The following LRRC4C variants were observed in gnomAD, a reference collection of about 807,000 sequenced individuals.
LRRC4C encodes leucine rich repeat containing 4C.
A neutral mutation model predicts 33.6 loss-of-function variants in LRRC4C; 5 were observed. The ratio of observed to expected loss-of-function variants is 0.15; its 90% confidence interval spans 0.08 to 0.31. The LOEUF (loss-of-function observed/expected upper bound fraction) is 0.31. LRRC4C is among the 10% of genes least tolerant of loss of function. LRRC4C has a pLI of 1.00. For missense variants in LRRC4C, 560 were observed against 796.7 expected (o/e 0.70, Z 3.58); for synonymous variants, 329 against 302.0 (o/e 1.09, Z -0.93).
intron 1 of LRRC4C, among the ~76,000 whole-genome samples, chr11:41,282,305 T>C (rs1949701613): frequency 3.3e-5 from 5 of 152,168 alleles, no homozygotes; most frequent in Non-Finnish European, 7.3e-5. Context: ...AATCATATGG[T>C]TATAAAGAGT....
intron 3 of LRRC4C, among the ~76,000 whole-genome samples, chr11:40,414,005 A>T (rs1565364419): frequency 1.3e-5 from 2 of 152,196 alleles, no homozygotes; most frequent in East Asian, 3.9e-4. Context: ...ATTTTGTGTC[A>T]ATCTATTGTA....
chr11:40,860,771 T>G (rs1954048216), intron 2 of LRRC4C, among the ~76,000 whole-genome samples: 1 of 142,744 alleles, frequency 7.0e-6, no homozygotes, highest in Non-Finnish European at 1.5e-5. Flanking sequence ...TTCCAGGGCT[T>G]AGGATCTTTT....
intron 3 of LRRC4C, among the ~76,000 whole-genome samples, chr11:40,408,429 T>C (rs1950038292): frequency 6.6e-6 from 1 of 151,968 alleles, no homozygotes; most frequent in East Asian, 1.9e-4. Flanking sequence ...ACCAACTTTA[T>C]CTTTTTTTTA....
At chr11:41,444,514 C>T (rs1003845063) in intron 1 of LRRC4C, among the ~76,000 whole-genome samples, 2 of 152,262 alleles carry the variant, frequency 1.3e-5, no homozygotes, top group East Asian at 1.9e-4. Context: ...TACCAAGGGA[C>T]GACTATTAGC....
At chr11:40,820,221 G>A (rs1191994500) in intron 2 of LRRC4C, among the ~76,000 whole-genome samples, 1 of 151,998 alleles carries the variant, frequency 6.6e-6, no homozygotes, top group African/African-American at 2.4e-5. Flanking sequence ...ACAAATGCTT[G>A]AAAGAAGTAT....
At chr11:40,307,457 A>T (rs977834302) in intron 4 of LRRC4C, among the ~76,000 whole-genome samples, 11 of 152,168 alleles carry the variant, frequency 7.2e-5, no homozygotes, top group Non-Finnish European at 1.5e-4. Context: ...TGCCTTGCAA[A>T]TGCCTATCCA....
chr11:41,050,525 G>A (rs1159496547), intron 1 of LRRC4C, among the ~76,000 whole-genome samples: 8 of 151,896 alleles, frequency 5.3e-5, no homozygotes, highest in Non-Finnish European at 1.0e-4. Flanking sequence ...TCCCACTTAT[G>A]AGTGAGAACA....
At chr11:41,447,161 C>T (rs190353373) in intron 1 of LRRC4C, among the ~76,000 whole-genome samples, 6 of 152,144 alleles carry the variant, frequency 3.9e-5, no homozygotes, top group Non-Finnish European at 8.8e-5. Flanking sequence ...CATCTTCTCA[C>T]GTCCCAGCTC....
intron 2 of LRRC4C, among the ~76,000 whole-genome samples, chr11:40,653,643 A>G (rs2136165545): frequency 6.6e-6 from 1 of 152,354 alleles, no homozygotes; most frequent in East Asian, 1.9e-4. Context: ...AGCAGAACAT[A>G]AAAGTTTGGA....
chr11:40,501,208 C>T (rs1428190082), intron 3 of LRRC4C, among the ~76,000 whole-genome samples: 3 of 152,250 alleles, frequency 2.0e-5, no homozygotes, highest in East Asian at 1.9e-4. Context: ...GGATAAAGCC[C>T]CCCACCTGGC....
At chr11:40,951,744 G>A (rs141721986) in intron 1 of LRRC4C, among the ~76,000 whole-genome samples, 1 of 151,874 alleles carries the variant, frequency 6.6e-6, no homozygotes, top group Non-Finnish European at 1.5e-5. Context: ...AATTTTGAAA[G>A]GTATAATTAA....
At chr11:40,138,644 T>G (rs1857151977) in intron 6 of LRRC4C, among the ~76,000 whole-genome samples, 1 of 152,218 alleles carries the variant, frequency 6.6e-6, no homozygotes, top group Non-Finnish European at 1.5e-5. Flanking sequence ...ACATGCTATC[T>G]GGCAGTGAAT....
intron 1 of LRRC4C, among the ~76,000 whole-genome samples, chr11:41,028,766 C>T (rs756399877): frequency 6.6e-6 from 1 of 151,454 alleles, no homozygotes; most frequent in Admixed American, 6.6e-5. Flanking sequence ...TTCCCTTATG[C>T]TTGGAATGTT....
At chr11:40,341,266 T>C (rs1357673769) in intron 3 of LRRC4C, among the ~76,000 whole-genome samples, 3 of 152,252 alleles carry the variant, frequency 2.0e-5, no homozygotes, top group Non-Finnish European at 4.4e-5. Flanking sequence ...CATTTTTTTA[T>C]GGCTGCATAG....
chr11:41,068,964 CA>C (rs571081099), intron 1 of LRRC4C, among the ~76,000 whole-genome samples: 1 of 152,028 alleles, frequency 6.6e-6, no homozygotes, highest in African/African-American at 2.4e-5. Context: ...AAAGATACAT[CA>C]AAAAAAGAAA....
chr11:40,795,218 A>G (rs1204938954), intron 2 of LRRC4C, among the ~76,000 whole-genome samples: 1 of 152,176 alleles, frequency 6.6e-6, no homozygotes, highest in African/African-American at 2.4e-5. Flanking sequence ...CTCCACATCC[A>G]TATATGCTAC....
intron 1 of LRRC4C, among the ~76,000 whole-genome samples, chr11:41,102,686 C>T (rs981321158): frequency 1.3e-4 from 20 of 151,994 alleles, no homozygotes; most frequent in Non-Finnish European, 2.6e-4. Flanking sequence ...CTCTTCCTCT[C>T]ACATTTTTAG....
In LRRC4C at chr11:40,115,775, G is replaced by T; in HGVS notation, c.518C>A (p.Ser173Tyr). The T allele has an allele frequency of 6.2e-7, 1 of 1,614,228 alleles. No homozygotes were observed. The highest frequency in any genetic ancestry group is 1.7e-5 in the Admixed American group (1 of 60,028). ...TTCCCCTAAGTCTAGTCGGCGCAAA[G>T]AAGGAATTCTGTTAAAAGCATAAGA... ...IPSYAFNRIP[S>Y]LRRLDLGELK... Residue 173 changes from serine (S) to tyrosine (Y), a missense_variant, in exon 7 of 7, where the codon TCT becomes TAT. Ser to Tyr is a moderately radical substitution (Grantham distance 144). Around this residue, in one of 3 missense-constraint regions of LRRC4C, gnomAD observed 455 missense variants for 643.8 expected, o/e 0.71. Coordinates refer to ENST00000528697, the MANE Select transcript of LRRC4C (RefSeq NM_001258419.2). The surrounding 1 kb of genome is among the most constrained non-coding windows in gnomAD (Gnocchi z 6.7).
At chr11:41,118,776 T>C (rs748604749) in intron 1 of LRRC4C, among the ~76,000 whole-genome samples, 19 of 152,150 alleles carry the variant, frequency 1.2e-4, no homozygotes, top group Non-Finnish European at 2.8e-4. Flanking sequence ...ATTGACCTAG[T>C]TTGAGTGTTG....
Sources: gnomAD v4.1 joint callset for allele counts (sites outside exome capture counted in the v4.1 genomes callset) on GRCh38, gnomAD v4.1.1 for gene constraint, gnomAD v4.1.1 regional missense constraint, Gnocchi (gnomAD v3.1) non-coding constraint, MANE v1.5 for transcripts, NCBI Gene and HGNC (gene_info 2026-07-23, HGNC 2026-07-21) for gene names.